STXBP6: variants seen among roughly 807,000 people sequenced by gnomAD.
STXBP6 encodes the protein syntaxin binding protein 6.
In STXBP6, 21 loss-of-function variants were observed where a neutral mutation model predicts 26.9. The ratio of observed to expected loss-of-function variants is 0.78; its 90% CI spans 0.55 to 1.12. The LOEUF (loss-of-function observed/expected upper bound fraction) is 1.12. Ranked by LOEUF, STXBP6 falls within the 50% of genes most tolerant of loss-of-function variation. The pLI, the probability that STXBP6 is intolerant of heterozygous loss-of-function variation, is 0.00. For synonymous variants in STXBP6, 97 were observed against 92.6 expected, an observed-to-expected ratio of 1.05 and a Z score of -0.27; for missense variants, 232 against 257.9, an observed-to-expected ratio of 0.90 and a Z score of 0.69.
chr14:25,045,018 C>T (rs2075704002), intron 1 of STXBP6, among the ~76,000 whole-genome samples: 1 of 152,168 alleles, frequency 6.6e-6, no homozygotes, highest in African/African-American at 2.4e-5. Context: ...TAAGTAACCA[C>T]TTATAGAGTT....
At chr14:24,844,261 C>T (rs1594947973) in intron 4 of STXBP6, among the ~76,000 whole-genome samples, 1 of 152,196 alleles carries the variant, frequency 6.6e-6, no homozygotes, top group Non-Finnish European at 1.5e-5. Flanking sequence ...CTTCATCTGG[C>T]TGTTCATTTA....
At chr14:25,027,696 G>A (rs1022618720) in intron 1 of STXBP6, among the ~76,000 whole-genome samples, 3 of 152,220 alleles carry the variant, frequency 2.0e-5, no homozygotes, top group Non-Finnish European at 2.9e-5. Flanking sequence ...AAACGATTAC[G>A]CTTAGTGAAG....
intron 2 of STXBP6, among the ~76,000 whole-genome samples, chr14:24,873,812 G>A (rs1308053002): frequency 6.6e-6 from 1 of 152,218 alleles, no homozygotes; most frequent in Non-Finnish European, 1.5e-5. Flanking sequence ...CAATGAGGGT[G>A]TAGGACAAGA....
chr14:24,843,560 T>C (rs149686034), intron 4 of STXBP6, among the ~76,000 whole-genome samples: 119 of 152,320 alleles, frequency 7.8e-4, no homozygotes, highest in Admixed American at 1.3e-3. Flanking sequence ...TATATGATCT[T>C]GTTAAATCCT....
chr14:24,825,301 A>G (rs1291415371), intron 4 of STXBP6, among the ~76,000 whole-genome samples: 1 of 152,216 alleles, frequency 6.6e-6, no homozygotes, highest in East Asian at 1.9e-4. Context: ...TCATCAATTT[A>G]GTAACAGACA....
At chr14:24,871,231 T>C (rs2069923090) in intron 2 of STXBP6, among the ~76,000 whole-genome samples, 1 of 152,136 alleles carries the variant, frequency 6.6e-6, no homozygotes, top group Non-Finnish European at 1.5e-5. Flanking sequence ...TCTACTTCTA[T>C]CCCTTCTCCA....
chr14:24,876,146 C>T (rs1365479702), intron 2 of STXBP6, among the ~76,000 whole-genome samples: 1 of 152,114 alleles, frequency 6.6e-6, no homozygotes, highest in Non-Finnish European at 1.5e-5. Context: ...AACTCTGAAA[C>T]TACCCTTGTG....
At chr14:24,860,117 C>T (rs2069481177) in intron 2 of STXBP6, among the ~76,000 whole-genome samples, 1 of 152,172 alleles carries the variant, frequency 6.6e-6, no homozygotes, top group African/African-American at 2.4e-5. Flanking sequence ...ACATCTCTGT[C>T]TCATGAACTA....
chr14:24,855,951 A>G lies in STXBP6; in HGVS notation c.436T>C (p.Ser146Pro), dbSNP rs774446915. The change falls in exon 4 of 6, where the codon TCC (serine) becomes CCC (proline). Residue 146 changes from serine (S) to proline (P), a missense_variant. Ser to Pro is a moderately conservative substitution (Grantham distance 74). Transcript: ENST00000323944. ...GTCCACTCACCTCCCATAATTTTGG[A>G]TTGGCAGTTAATAAACTCTGGCTTC... ...DRKPEFINCQ[S>P]KIMGGNSILH... The G allele has an allele frequency of 3.1e-6, 5 of 1,603,820 alleles. No homozygotes were observed. Among genetic ancestry groups the G allele is most frequent in the Non-Finnish European group, 4.3e-6 (5 of 1,176,422 alleles).
intron 2 of STXBP6, among the ~76,000 whole-genome samples, chr14:24,907,508 T>C (rs888056668): frequency 6.6e-6 from 1 of 152,196 alleles, no homozygotes; most frequent in African/African-American, 2.4e-5. Flanking sequence ...CACACCAACA[T>C]GTTAGCATTT....
rs747010332 is a variant in STXBP6 at position 25,002,359 on chromosome 14, C to CTTTTT, written c.-32-27514_-32-27510dup. Among the ~76,000 whole-genome samples, 10 of 121,366 alleles carry CTTTTT rather than the reference C, an allele frequency of 8.2e-5. 1 individual carries two copies. The highest frequency in any genetic ancestry group is 5.1e-4 in the South Asian group (2 of 3,920). The allele number at this position is 121,366 out of a possible 152,430, so 79.6% of individuals were successfully genotyped here. On this transcript the variant is annotated intron_variant, in intron 1 of 5. Coordinates refer to ENST00000323944, the MANE Select transcript of STXBP6 (RefSeq NM_001394410.1). ...ATCCCATACAGTTAAATTCTTATGA[C>CTTTTT]TTTTTTTTTTTTTTTTTTGAGACAC...
chr14:24,986,695 T>TA, intron 1 of STXBP6, among the ~76,000 whole-genome samples: 1 of 152,292 alleles, frequency 6.6e-6, no homozygotes, highest in East Asian at 1.9e-4. Context: ...AGTGCTCTAT[T>TA]AAAACACTCT....
At chr14:24,947,874 CTAAAG>C (rs1296889549) in intron 2 of STXBP6, among the ~76,000 whole-genome samples, 5 of 152,164 alleles carry the variant, frequency 3.3e-5, no homozygotes, top group Non-Finnish European at 5.9e-5. Context: ...GATCCACACT[CTAAAG>C]TATCATCTTG....
intron 2 of STXBP6, among the ~76,000 whole-genome samples, chr14:24,966,623 G>A (rs1257790588): frequency 6.6e-6 from 1 of 152,178 alleles, no homozygotes; most frequent in African/African-American, 2.4e-5. Flanking sequence ...TAATAGCAAG[G>A]TTTTAGGAAA....
intron 4 of STXBP6, chr14:24,819,614 G>T: frequency 2.7e-6 from 1 of 364,428 alleles, no homozygotes; most frequent in Non-Finnish European, 4.9e-6. Context: ...TTTGACCTGT[G>T]GTTTCGGTGA....
chr14:24,900,746 G>A (rs1352385985), intron 2 of STXBP6, among the ~76,000 whole-genome samples: 6 of 152,156 alleles, frequency 3.9e-5, no homozygotes, highest in Non-Finnish European at 2.9e-5. Context: ...GAAAATGACA[G>A]GATGTTGCCA....
intron 2 of STXBP6, among the ~76,000 whole-genome samples, chr14:24,873,628 T>C (rs77832672): frequency 0.025 from 3,814 of 152,274 alleles, 139 homozygotes; most frequent in East Asian, 0.15. Flanking sequence ...GGTGTCCCCA[T>C]AGAAGGAAGT....
At chr14:25,034,222 GTTGTTCCAGGTAAAC>G (rs1272407301) in intron 1 of STXBP6, among the ~76,000 whole-genome samples, 1 of 152,144 alleles carries the variant, frequency 6.6e-6, no homozygotes, top group African/African-American at 2.4e-5. Context: ...TACTGAAAGA[GTTGTTCCAGGTAAAC>G]TTGACCCCTA....
chr14:24,889,912 C>T (rs1343111749), intron 2 of STXBP6, among the ~76,000 whole-genome samples: 2 of 152,234 alleles, frequency 1.3e-5, no homozygotes, highest in Non-Finnish European at 1.5e-5. Flanking sequence ...TTCAGTACAA[C>T]TCCCCAACTG....
Sources: gnomAD v4.1 joint callset for allele counts (sites outside exome capture counted in the v4.1 genomes callset) on GRCh38, gnomAD v4.1.1 for gene constraint, MANE v1.5 for transcripts, NCBI Gene and HGNC (gene_info 2026-07-23, HGNC 2026-07-21) for gene names.